The following GLRA3 variants were observed in gnomAD, a reference collection of about 807,000 sequenced individuals.
The protein encoded by GLRA3 is glycine receptor alpha 3.
In GLRA3, 44 loss-of-function variants were observed where a neutral mutation model predicts 60.4. The observed-to-expected ratio is 0.73, with a 90% CI of 0.57 to 0.94. GLRA3 has a LOEUF of 0.94. GLRA3 is among the 40% of genes least tolerant of loss of function. GLRA3 has a pLI of 0.00. For missense variants in GLRA3, 508 were observed against 564.6 expected, an observed-to-expected ratio of 0.90 and a Z score of 1.02; for synonymous variants, 223 against 192.9, an observed-to-expected ratio of 1.16 and a Z score of -1.29.
chr4:174,716,939 G>T (rs370031450), intron 4 of GLRA3, among the ~76,000 whole-genome samples: 1 of 151,988 alleles, frequency 6.6e-6, no homozygotes, highest in Non-Finnish European at 1.5e-5. Flanking sequence ...GGTGTCTTAC[G>T]CCTGTAATTC....
At chr4:174,777,994 A>G (rs1201888711) in intron 2 of GLRA3, among the ~76,000 whole-genome samples, 1 of 152,212 alleles carries the variant, frequency 6.6e-6, no homozygotes, top group African/African-American at 2.4e-5. Context: ...ACAAAGCTAG[A>G]ATATCCTACT....
chr4:174,721,185 C>G (rs7695595), intron 4 of GLRA3, among the ~76,000 whole-genome samples: 1 of 151,822 alleles, frequency 6.6e-6, no homozygotes, highest in African/African-American at 2.4e-5. Flanking sequence ...TGCGCCACCA[C>G]GCCTAGCTAA....
chr4:174,643,203 T>G lies in GLRA3; in HGVS notation c.*583A>C. On this transcript the variant is annotated 3_prime_UTR_variant, in exon 10 of 10. Coordinates refer to ENST00000274093, the MANE Select transcript of GLRA3 (RefSeq NM_006529.4). ...AAACTTAATATTCTAAACAATTAAA[T>G]TTAGTATTCCAAATCATTAAAGTCT... 2 of 774,690 alleles carry G rather than the reference T, an allele frequency of 2.6e-6. No homozygotes were observed. Among genetic ancestry groups the G allele is most frequent in the Non-Finnish European group, 3.1e-6 (2 of 638,564 alleles). The allele number at this position is 774,690 out of a possible 1,614,324, so 48.0% of individuals were successfully genotyped here.
At chr4:174,745,772 A>G (rs565274823) in intron 3 of GLRA3, among the ~76,000 whole-genome samples, 3 of 150,790 alleles carry the variant, frequency 2.0e-5, no homozygotes, top group African/African-American at 7.4e-5. Context: ...CATATAAGGA[A>G]CTTGAACAAC....
rs899854829 is a variant in GLRA3 at position 174,639,178 on chromosome 4, T to C, written c.*4608A>G. The C allele has an allele frequency of 5.3e-5, 8 of 152,170 alleles. No homozygotes were observed. Among genetic ancestry groups the C allele is most frequent in the Non-Finnish European group, 1.0e-4 (7 of 68,022 alleles). 9.4% of individuals were successfully genotyped at this position (152,170 alleles called of 1,614,324 possible). ...AAAGACTTGATCCAGTTAGCTTTGT[T>C]TATGTGTTTTTGAGGCAAAAGATTG... On this transcript the variant is annotated 3_prime_UTR_variant, in exon 10 of 10. Coordinates refer to ENST00000274093, the MANE Select transcript of GLRA3 (RefSeq NM_006529.4).
chr4:174,736,565 A>G (rs1424459386), intron 3 of GLRA3, among the ~76,000 whole-genome samples: 1 of 152,136 alleles, frequency 6.6e-6, no homozygotes, highest in East Asian at 1.9e-4. Flanking sequence ...ATAGAATCAC[A>G]CTATACGTGA....
At chr4:174,746,533 G>A (rs1434492445) in intron 3 of GLRA3, among the ~76,000 whole-genome samples, 2 of 152,114 alleles carry the variant, frequency 1.3e-5, no homozygotes, top group African/African-American at 4.8e-5. Context: ...AGAGAGGTTG[G>A]TTATGGTTAT....
chr4:174,754,262 A>T lies in GLRA3; in HGVS notation c.267+12701T>A, dbSNP rs191297220. On this transcript the variant is annotated intron_variant, in intron 3 of 9. Coordinates refer to ENST00000274093, the MANE Select transcript of GLRA3 (RefSeq NM_006529.4). Reference sequence around the variant, plus strand: ...TCATGCATACTTATCTTTTGCAAGCATCCCCATAAATAAGCCCATTTCTGA... The same window carrying T: ...TCATGCATACTTATCTTTTGCAAGCTTCCCCATAAATAAGCCCATTTCTGA... Among the ~76,000 whole-genome samples the T allele has an allele frequency of 3.1e-3, 473 of 152,272 alleles. 5 individuals carry two copies. Among genetic ancestry groups the T allele is most frequent in the African/African-American group, 0.011 (438 of 41,566 alleles).
intron 6 of GLRA3, among the ~76,000 whole-genome samples, chr4:174,679,951 C>A (rs905002664): frequency 6.6e-6 from 1 of 152,020 alleles, no homozygotes; most frequent in Non-Finnish European, 1.5e-5. Flanking sequence ...GGGACAATTA[C>A]AGTTAACAAT....
chr4:174,806,465 C>G (rs1165046319), intron 1 of GLRA3, among the ~76,000 whole-genome samples: 1 of 152,074 alleles, frequency 6.6e-6, no homozygotes, highest in Non-Finnish European at 1.5e-5. Context: ...CCCTCTGTAT[C>G]TGTGTCAAGT....
Position 174,643,499 on chromosome 4 carries a change from T to G in GLRA3, c.*287A>C. Reference sequence around the variant, plus strand: ...CTATTATGAGATATTATATAACATATAAACACATTGGCAGTAAAGCTTCCA... The same window carrying G: ...CTATTATGAGATATTATATAACATAGAAACACATTGGCAGTAAAGCTTCCA... On this transcript the variant is annotated 3_prime_UTR_variant, in exon 10 of 10. Transcript: ENST00000274093. 3 of 998,814 alleles carry G rather than the reference T, an allele frequency of 3.0e-6. No individual in the cohort carries two copies. The South Asian group carries it at 1.3e-4, about 42-fold the overall frequency. 61.9% of individuals were successfully genotyped at this position (998,814 alleles called of 1,614,324 possible).
intron 5 of GLRA3, among the ~76,000 whole-genome samples, chr4:174,707,452 G>GT (rs1379313313): frequency 6.6e-6 from 1 of 152,110 alleles, no homozygotes; most frequent in African/African-American, 2.4e-5. Context: ...AGTCAAGACT[G>GT]TTTTGCAGCT....
chr4:174,677,891 T>G (rs991714751), intron 6 of GLRA3, among the ~76,000 whole-genome samples: 1 of 152,186 alleles, frequency 6.6e-6, no homozygotes, highest in African/African-American at 2.4e-5. Flanking sequence ...TTACGACAAT[T>G]GCTTCTGAGG....
intron 6 of GLRA3, among the ~76,000 whole-genome samples, chr4:174,682,081 C>A (rs1470268529): frequency 6.6e-6 from 1 of 152,272 alleles, no homozygotes; most frequent in South Asian, 2.1e-4. Flanking sequence ...GAAGCTGATG[C>A]TAGTGGGAGG....
intron 1 of GLRA3, among the ~76,000 whole-genome samples, chr4:174,801,718 C>T (rs989231801): frequency 7.9e-5 from 12 of 152,016 alleles, no homozygotes; most frequent in African/African-American, 2.9e-4. Flanking sequence ...CTAAAGTGCT[C>T]ATGGTCCTCT....
intron 2 of GLRA3, among the ~76,000 whole-genome samples, chr4:174,778,562 T>C (rs1738707639): frequency 6.6e-6 from 1 of 152,024 alleles, no homozygotes; most frequent in African/African-American, 2.4e-5. Flanking sequence ...CCACCTGAGG[T>C]ACCGGGTTCA....
intron 3 of GLRA3, among the ~76,000 whole-genome samples, chr4:174,759,683 G>T (rs183324074): frequency 6.3e-4 from 96 of 152,218 alleles, no homozygotes; most frequent in African/African-American, 2.1e-3. Context: ...AATATAAACT[G>T]TACTAAACAA....
rs985193377 is a variant in GLRA3, at chr4:174,827,540, C to G, written c.71+1201G>C. ...TCCATATACTTGGCTTTAATTATTA[C>G]AAATCAAATTTCTGACAATAATAAA... On this transcript the variant is annotated intron_variant, in intron 1 of 9. Transcript: ENST00000274093. Among the ~76,000 whole-genome samples, 3 of 151,724 alleles carry G rather than the reference C, an allele frequency of 2.0e-5. No homozygotes were observed. The East Asian group carries it at 5.8e-4, about 29-fold the overall frequency.
rs115481436 is a variant in GLRA3, at chr4:174,678,926, C to T, written c.713-1634G>A. 2.8e-3 allele frequency among the ~76,000 whole-genome samples: 422 copies of T among 152,136 alleles called. 4 individuals are homozygous for T. The highest frequency in any genetic ancestry group is 9.5e-3 in the African/African-American group (396 of 41,518). On this transcript the variant is annotated intron_variant, in intron 6 of 9. Coordinates refer to ENST00000274093, the MANE Select transcript of GLRA3 (RefSeq NM_006529.4). ...AGCATAATTAGTAACAAATACTAAC[C>T]ATTCAGATACTTTGTATAAATTCTC...
Sources: allele counts gnomAD v4.1 joint callset (sites outside exome capture counted in the v4.1 genomes callset), GRCh38; gene constraint gnomAD v4.1.1; transcripts MANE v1.5; gene names NCBI Gene and HGNC (gene_info 2026-07-23, HGNC 2026-07-21).